BMPR1A: variants seen among roughly 807,000 people sequenced by gnomAD.
The protein encoded by BMPR1A is bone morphogenetic protein receptor type 1A, also known as bone morphogenetic protein receptor type-1A.
BMPR1A carries 7 observed loss-of-function variants against 66.0 expected under a neutral mutation model. That is an observed-to-expected ratio of 0.11 (90% confidence interval 0.06 to 0.20). BMPR1A has a LOEUF of 0.20. BMPR1A is among the 10% of genes least tolerant of loss of function. BMPR1A has a pLI of 1.00. For synonymous variants in BMPR1A, 200 were observed against 229.7 expected (o/e 0.87, Z 1.17); for missense variants, 408 against 669.1 (o/e 0.61, Z 4.31).
chr10:86,763,422 T>G (rs943528306), intron 1 of BMPR1A, among the ~76,000 whole-genome samples: 1 of 152,136 alleles, frequency 6.6e-6, no homozygotes, highest in African/African-American at 2.4e-5. Flanking sequence ...TTTCTTTATC[T>G]TAAAAAATAG....
chr10:86,859,597 A>G (rs1842686906), intron 2 of BMPR1A, among the ~76,000 whole-genome samples: 1 of 152,088 alleles, frequency 6.6e-6, no homozygotes, highest in Admixed American at 6.5e-5. Context: ...AGGCAGGTGG[A>G]TCACCTGAGG....
Position 86,900,094 on chromosome 10 carries a change from T to C in BMPR1A, c.498T>C (p.Ala166=). The C allele has an allele frequency of 6.2e-7, 1 of 1,614,048 alleles. No homozygotes were observed. The highest frequency in any genetic ancestry group is 8.5e-7 in the Non-Finnish European group (1 of 1,180,032). The change falls in exon 7 of 13, where the codon GCT becomes GCC. Residue 166 remains alanine, a synonymous_variant. Transcript: ENST00000372037. ...TTTCTATGGCTGTCTGCATAATTGC[T>C]ATGATCATCTTCTCCAGCTGCTTTT... ...LLISMAVCII[A]MIIFSSCFCY...
At chr10:86,790,234 T>TATATATATATATAA (rs1190481905) in intron 1 of BMPR1A, among the ~76,000 whole-genome samples, 4 of 47,980 alleles carry the variant, frequency 8.3e-5, no homozygotes, top group Non-Finnish European at 1.7e-4. Context: ...TATATATATA[T>TATATATATATATAA]ATCAAAACCA....
At chr10:86,763,693 A>AT (rs1038576916) in intron 1 of BMPR1A, among the ~76,000 whole-genome samples, 45 of 149,086 alleles carry the variant, frequency 3.0e-4, no homozygotes, top group African/African-American at 1.0e-3. Context: ...TTGAGCATTA[A>AT]TTTTTTTTTC....
chr10:86,794,463 T>C (rs1407307627), intron 1 of BMPR1A, among the ~76,000 whole-genome samples: 1 of 152,190 alleles, frequency 6.6e-6, no homozygotes, highest in Non-Finnish European at 1.5e-5. Context: ...ACCAATCTTT[T>C]TGTGTCTGTC....
At chr10:86,793,887 T>TA (rs1841667047) in intron 1 of BMPR1A, among the ~76,000 whole-genome samples, 1 of 152,322 alleles carries the variant, frequency 6.6e-6, no homozygotes, top group African/African-American at 2.4e-5. Flanking sequence ...CTGTGCCTCT[T>TA]ACAGCCTCTA....
At chr10:86,846,140 T>C (rs954078947) in intron 2 of BMPR1A, among the ~76,000 whole-genome samples, 2 of 152,212 alleles carry the variant, frequency 1.3e-5, no homozygotes, top group Non-Finnish European at 2.9e-5. Context: ...CCCTCAGTTG[T>C]GCTGGCAGTA....
intron 1 of BMPR1A, among the ~76,000 whole-genome samples, chr10:86,809,974 A>G (rs540194376): frequency 1.3e-5 from 2 of 151,128 alleles, no homozygotes; most frequent in East Asian, 2.0e-4. Context: ...GAATATTATT[A>G]TTATTATTAT....
At position 86,870,137 on chromosome 10, in the gene BMPR1A, T is replaced by C. The variant is rs551180468; in HGVS notation, c.-152-5730T>C. 9.2e-5 allele frequency among the ~76,000 whole-genome samples: 14 copies of C among 152,334 alleles called. No homozygotes were observed. The South Asian group carries it at 2.5e-3, about 27-fold the overall frequency. Reference sequence around the variant, plus strand: ...GGGGCCCTCCCCTCTTTTCACTCTCTTGGAAGGCCATCTCCAGAGTCATAG... The same window carrying C: ...GGGGCCCTCCCCTCTTTTCACTCTCCTGGAAGGCCATCTCCAGAGTCATAG... On this transcript the variant is annotated intron_variant, in intron 2 of 12. Transcript: ENST00000372037.
chr10:86,902,335 C>G (rs1363213356), intron 7 of BMPR1A, among the ~76,000 whole-genome samples: 2 of 151,638 alleles, frequency 1.3e-5, no homozygotes, highest in African/African-American at 2.4e-5. Flanking sequence ...AGAAATCAGC[C>G]CTTTGTAATA....
intron 1 of BMPR1A, among the ~76,000 whole-genome samples, chr10:86,793,986 T>C (rs1283873835): frequency 2.0e-5 from 3 of 152,186 alleles, no homozygotes; most frequent in African/African-American, 2.4e-5. Flanking sequence ...CTGTCATCTC[T>C]TTCCCACCGT....
At chr10:86,835,487 G>A (rs958218688) in intron 1 of BMPR1A, among the ~76,000 whole-genome samples, 7 of 133,960 alleles carry the variant, frequency 5.2e-5, no homozygotes, top group African/African-American at 1.9e-4. Flanking sequence ...GGAGGCAGAG[G>A]TTGCAGTGAG....
intron 1 of BMPR1A, among the ~76,000 whole-genome samples, chr10:86,777,973 A>C (rs1435665800): frequency 2.0e-5 from 3 of 151,668 alleles, no homozygotes; most frequent in Non-Finnish European, 4.4e-5. Context: ...AGATGGTGCC[A>C]TTGCACTCCA....
chr10:86,805,590 T>G (rs60621581), intron 1 of BMPR1A, among the ~76,000 whole-genome samples: 18,750 of 150,716 alleles, frequency 0.12, 1,789 homozygotes, highest in African/African-American at 0.27. Flanking sequence ...GCCTCCCGAG[T>G]AGCTAGGACT....
chr10:86,878,569 G>A (rs534195264), intron 3 of BMPR1A, among the ~76,000 whole-genome samples: 1 of 152,292 alleles, frequency 6.6e-6, no homozygotes, highest in African/African-American at 2.4e-5. Context: ...TGTACATTCA[G>A]TTATTGAGTA....
intron 2 of BMPR1A, chr10:86,855,558 A>G: frequency 2.0e-6 from 1 of 501,728 alleles, no homozygotes; most frequent in African/African-American, 2.0e-5. Context: ...TAGTATTTCT[A>G]TTTTTTGAAA....
chr10:86,823,331 C>CA (rs1226719588), intron 1 of BMPR1A, among the ~76,000 whole-genome samples: 5 of 152,192 alleles, frequency 3.3e-5, no homozygotes, highest in African/African-American at 1.2e-4. Context: ...CTGCCTGGCA[C>CA]TGTTCTAAGT....
At chr10:86,905,765 T>G (rs1843376204) in intron 7 of BMPR1A, among the ~76,000 whole-genome samples, 1 of 151,438 alleles carries the variant, frequency 6.6e-6, no homozygotes, top group African/African-American at 2.4e-5. Context: ...CTAGAGTAGT[T>G]AAATAGTAAG....
intron 1 of BMPR1A, among the ~76,000 whole-genome samples, chr10:86,764,902 G>A (rs544845209): frequency 6.6e-5 from 10 of 152,276 alleles, no homozygotes; most frequent in African/African-American, 2.4e-4. Context: ...GATACTGTTA[G>A]GGATACATTG....
Sources: gnomAD v4.1 joint callset for allele counts (sites outside exome capture counted in the v4.1 genomes callset) on GRCh38, gnomAD v4.1.1 for gene constraint, MANE v1.5 for transcripts, NCBI Gene and HGNC (gene_info 2026-07-23, HGNC 2026-07-21) for gene names.